Variants in ECD observed in about 807,000 individuals in gnomAD.
ECD encodes the protein protein ecdysoneless homolog.
In ECD, 59 loss-of-function variants were observed where a neutral mutation model predicts 77.2. That is an observed-to-expected ratio of 0.76 (90% CI 0.62 to 0.95). The LOEUF (loss-of-function observed/expected upper bound fraction) is 0.95, where lower values mean the gene tolerates loss of function less well. Among genes scored for constraint, ECD ranks in the 40% least tolerant of loss-of-function variants. The pLI, the probability that ECD is intolerant of heterozygous loss-of-function variation, is 0.00. For missense variants in ECD, 704 were observed against 763.4 expected (o/e 0.92, Z 0.92); for synonymous variants, 233 against 267.4 (o/e 0.87, Z 1.26).
chr10:73,140,876 T>C (rs1288423640), intron 9 of ECD, among the ~76,000 whole-genome samples: 15 of 151,468 alleles, frequency 9.9e-5, no homozygotes. Context: ...ACAGTTGTAT[T>C]ATGTTAATAG....
At chr10:73,134,871 G>T in intron 13 of ECD, 58 bp from the exon 14 acceptor site, 1 of 1,428,882 alleles carries the variant, frequency 7.0e-7, no homozygotes, top group Non-Finnish European at 9.7e-7. Context: ...TTGCATGGTG[G>T]TTACAATAAA....
chr10:73,161,538 G>A (rs1304817840), intron 2 of ECD, among the ~76,000 whole-genome samples: 1 of 152,144 alleles, frequency 6.6e-6, no homozygotes, highest in Non-Finnish European at 1.5e-5. Context: ...TCTATAACTA[G>A]TAAGGAGATT....
In ECD at chr10:73,154,317, A is replaced by G. The variant is rs1843265658; in HGVS notation, c.722T>C (p.Ile241Thr). Reference protein sequence around the residue: ...AVQAFYLRDPIDLRACRVFKT... With the variant: ...AVQAFYLRDPTDLRACRVFKT... ...GAAAACACGACAAGCTCGCAGGTCA[A>G]TAGGGTCTCGTAGGTAAAATGCCTG... Residue 241 changes from isoleucine to threonine, a missense_variant, in exon 6 of 14, where the codon ATT becomes ACT. Ile to Thr is a moderately conservative substitution (Grantham distance 89). Coordinates refer to ENST00000372979, the MANE Select transcript of ECD (RefSeq NM_007265.3). 5.0e-6 allele frequency: 8 copies of G among 1,614,096 alleles called. No individual in the cohort carries two copies. Among genetic ancestry groups the G allele is most frequent in the South Asian group, 1.1e-5 (1 of 91,080 alleles).
At chr10:73,151,839 CTT>C (rs1832018394) in intron 7 of ECD, among the ~76,000 whole-genome samples, 1 of 152,126 alleles carries the variant, frequency 6.6e-6, no homozygotes, top group Non-Finnish European at 1.5e-5. Flanking sequence ...AAATATAACA[CTT>C]TTTCCAGATT....
chr10:73,159,562 T>C (rs1843346791), intron 3 of ECD, among the ~76,000 whole-genome samples: 1 of 152,136 alleles, frequency 6.6e-6, no homozygotes, highest in Admixed American at 6.5e-5. Flanking sequence ...TTTTCATAAT[T>C]AGAACTTTAA....
chr10:73,151,945 T>C (rs1843213863), intron 7 of ECD, among the ~76,000 whole-genome samples: 1 of 152,234 alleles, frequency 6.6e-6, no homozygotes, highest in Non-Finnish European at 1.5e-5. Context: ...TTATAGCTTC[T>C]GGTTTCAAGT....
chr10:73,156,379 G>C lies in ECD; in HGVS notation c.486C>G (p.Thr162=), dbSNP rs1843296831. ...ATGCTTGTGGAATTGTTGGGGGTGTGGTGGGTAACCAAGATTCTGCTCCAG... is the reference window on the plus strand; with the variant it reads ...ATGCTTGTGGAATTGTTGGGGGTGTCGTGGGTAACCAAGATTCTGCTCCAG... ...RKSGAESWLP[T]TPPTIPQALN... The change falls in exon 5 of 14, where the codon ACC becomes ACG. Residue 162 remains threonine, a synonymous_variant. Coordinates refer to ENST00000372979, the MANE Select transcript of ECD (RefSeq NM_007265.3). 1 of 1,613,464 alleles carries C rather than the reference G, an allele frequency of 6.2e-7. No homozygotes were observed. Among genetic ancestry groups the C allele is most frequent in the Non-Finnish European group, 8.5e-7 (1 of 1,179,918 alleles).
At chr10:73,162,038 A>G (rs1843387321) in intron 2 of ECD, among the ~76,000 whole-genome samples, 1 of 152,254 alleles carries the variant, frequency 6.6e-6, no homozygotes, top group African/African-American at 2.4e-5. Context: ...TTCTTCAACT[A>G]GAGAACTCCA....
At chr10:73,138,964 T>C (rs917189929) in intron 11 of ECD, among the ~76,000 whole-genome samples, 2 of 152,220 alleles carry the variant, frequency 1.3e-5, no homozygotes, top group Non-Finnish European at 2.9e-5. Context: ...CCTTTTTCAG[T>C]ATCCAATCTG....
At chr10:73,140,105 C>T (rs933858676) in intron 9 of ECD, among the ~76,000 whole-genome samples, 5 of 151,978 alleles carry the variant, frequency 3.3e-5, no homozygotes, top group African/African-American at 1.2e-4. Flanking sequence ...CTGCCTCAAC[C>T]TCCCAAGTAG....
chr10:73,151,179 T>C (rs1589117555), intron 7 of ECD, among the ~76,000 whole-genome samples: 2 of 151,862 alleles, frequency 1.3e-5, no homozygotes, highest in Non-Finnish European at 2.9e-5. Context: ...ATATACACCA[T>C]GGAATACTAT....
At chr10:73,159,642 A>ATTTTTT (rs1169258127) in intron 3 of ECD, among the ~76,000 whole-genome samples, 2,240 of 123,450 alleles carry the variant, frequency 0.018, 109 homozygotes, top group African/African-American at 0.064. Context: ...CAGTACTTTA[A>ATTTTTT]TTTTTTTTTT....
At chr10:73,143,530 C>A (rs1397997811) in intron 9 of ECD, among the ~76,000 whole-genome samples, 1 of 151,930 alleles carries the variant, frequency 6.6e-6, no homozygotes, top group African/African-American at 2.4e-5. Context: ...ATATTTTATT[C>A]TTTTTCATTT....
At chr10:73,157,023 A>G (rs1218597807) in intron 3 of ECD, among the ~76,000 whole-genome samples, 1 of 152,040 alleles carries the variant, frequency 6.6e-6, no homozygotes, top group Non-Finnish European at 1.5e-5. Flanking sequence ...CTGAAAAGAT[A>G]ATTATTTCTG....
intron 7 of ECD, among the ~76,000 whole-genome samples, chr10:73,150,082 A>G (rs1235647663): frequency 6.6e-6 from 1 of 152,180 alleles, no homozygotes; most frequent in Non-Finnish European, 1.5e-5. Context: ...CCTAAGCCAA[A>G]AGAACAAAGC....
Position 73,134,640 on chromosome 10 carries a change from T to C in ECD, c.1878A>G (p.Gly626=), listed in dbSNP as rs368016794. 6.2e-7 allele frequency: 1 copy of C among 1,614,202 alleles called. No homozygotes were observed. Among genetic ancestry groups the C allele is most frequent in the Non-Finnish European group, 8.5e-7 (1 of 1,180,040 alleles). ...GPASNLLQSM[G]VQLPDNTDHR... ...GATCGGTGTTGTCAGGCAGCTGCAC[T>C]CCCATGCTTTGTAAAAGATTGGAAG... The change falls in exon 14 of 14, where the codon GGA becomes GGG. Residue 626 remains glycine, a synonymous_variant. Transcript: ENST00000372979.
chr10:73,134,650 T>C lies in ECD; in HGVS notation c.1868A>G (p.Gln623Arg), dbSNP rs1842956557. The C allele has an allele frequency of 6.2e-7, 1 of 1,614,110 alleles. No individual in the cohort carries two copies. The highest frequency in any genetic ancestry group is 8.5e-7 in the Non-Finnish European group (1 of 1,180,052). The change falls in exon 14 of 14, where the codon CAA becomes CGA. Residue 623 changes from glutamine to arginine, a missense_variant. This residue lies in a region of ECD where 142 missense variants were observed against 163.6 expected (regional missense o/e 0.87). Transcript: ENST00000372979. ...GTCAGGCAGCTGCACTCCCATGCTTTGTAAAAGATTGGAAGCAGGTCCTGC... is the reference window on the plus strand; with the variant it reads ...GTCAGGCAGCTGCACTCCCATGCTTCGTAAAAGATTGGAAGCAGGTCCTGC... ...GLAGPASNLL[Q>R]SMGVQLPDNT... is the part of the protein sequence containing the mutation.
chr10:73,154,251 C>A lies in ECD; in HGVS notation c.783+5G>T. 1.3e-6 allele frequency: 2 copies of A among 1,581,548 alleles called. No homozygotes were observed. Among genetic ancestry groups the A allele is most frequent in the Non-Finnish European group, 1.7e-6 (2 of 1,163,962 alleles). Reference sequence around the variant, plus strand: ...GAAACTAAATGACCAAGATAGAAATCTCACCGATGTCATTATTCGTGTTTC... The same window carrying A: ...GAAACTAAATGACCAAGATAGAAATATCACCGATGTCATTATTCGTGTTTC... On this transcript the variant is annotated splice_donor_5th_base_variant and intron_variant, in intron 6 of 13. Coordinates refer to ENST00000372979, the MANE Select transcript of ECD (RefSeq NM_007265.3).
At chr10:73,157,346 G>C (rs373637626) in intron 3 of ECD, among the ~76,000 whole-genome samples, 2 of 151,326 alleles carry the variant, frequency 1.3e-5, no homozygotes, top group Admixed American at 1.3e-4. Context: ...CACCACGCCC[G>C]GCCCGTATCA....
Sources: allele counts gnomAD v4.1 joint callset (sites outside exome capture counted in the v4.1 genomes callset), GRCh38; gene constraint gnomAD v4.1.1; regional missense constraint gnomAD v4.1.1; transcripts MANE v1.5; gene names NCBI Gene and HGNC (gene_info 2026-07-23, HGNC 2026-07-21).